Variants in ITPK1 observed in about 807,000 individuals in gnomAD.
ITPK1 encodes the protein inositol-tetrakisphosphate 1-kinase.
Under a neutral mutation model 45.3 loss-of-function variants are expected in ITPK1, and 21 were observed. The observed-to-expected ratio is 0.46, with a 90% confidence interval of 0.33 to 0.67. The LOEUF is 0.67. ITPK1 is among the 30% of genes least tolerant of loss of function. The pLI, the probability that ITPK1 is intolerant of heterozygous loss-of-function variation, is 0.02. For synonymous variants in ITPK1, 258 were observed against 253.6 expected (o/e 1.02, Z -0.16); for missense variants, 474 against 573.5 (o/e 0.83, Z 1.77).
intron 3 of ITPK1, among the ~76,000 whole-genome samples, chr14:93,027,984 G>A (rs1198115290): frequency 6.6e-6 from 1 of 152,222 alleles, no homozygotes; most frequent in East Asian, 1.9e-4. Flanking sequence ...TTGGCTTTCT[G>A]CACTGAGAGG....
chr14:93,100,758 G>A (rs771962693), intron 2 of ITPK1, among the ~76,000 whole-genome samples: 8 of 152,048 alleles, frequency 5.3e-5, no homozygotes, highest in Non-Finnish European at 7.4e-5. Context: ...CCATACAATC[G>A]ACTTACTGCT....
intron 3 of ITPK1, among the ~76,000 whole-genome samples, chr14:93,061,108 G>C (rs1890500341): frequency 6.6e-6 from 1 of 152,186 alleles, no homozygotes; most frequent in Admixed American, 6.5e-5. Context: ...ATGCAAGCTG[G>C]TGTTTGATAC....
chr14:93,067,237 C>A lies in ITPK1; in HGVS notation c.120+9358G>T, dbSNP rs575282791. 5.6e-4 allele frequency among the ~76,000 whole-genome samples: 85 copies of A among 152,264 alleles called. 1 individual carries two copies. In the South Asian group the frequency reaches 0.017, roughly 31 times the overall value. ...TCCACTGAGGCCACGGAATTCTTGACATTTGACAGCCAAGCAAGGGTGGCA... is the reference window on the plus strand; with the variant it reads ...TCCACTGAGGCCACGGAATTCTTGAAATTTGACAGCCAAGCAAGGGTGGCA... On this transcript the variant is annotated intron_variant, in intron 3 of 10. Coordinates refer to ENST00000267615, the MANE Select transcript of ITPK1 (RefSeq NM_014216.6).
intron 3 of ITPK1, chr14:93,072,094 G>A: frequency 7.0e-6 from 1 of 143,286 alleles, no homozygotes. Flanking sequence ...AGCAGTTCAA[G>A]ACCAGCCTGG....
At chr14:92,947,587 C>T (rs1887749002) in intron 9 of ITPK1, among the ~76,000 whole-genome samples, 1 of 152,240 alleles carries the variant, frequency 6.6e-6, no homozygotes, top group South Asian at 2.1e-4. Flanking sequence ...AAGGAAGCAA[C>T]AGGCCTCCAT....
At chr14:92,947,739 G>C (rs1005906018) in intron 9 of ITPK1, among the ~76,000 whole-genome samples, 5 of 152,184 alleles carry the variant, frequency 3.3e-5, no homozygotes, top group African/African-American at 1.2e-4. Flanking sequence ...AAATAGTGAA[G>C]TTTTGGGGGT....
chr14:92,953,492 G>A (rs1373180266), intron 8 of ITPK1, among the ~76,000 whole-genome samples: 3 of 152,248 alleles, frequency 2.0e-5, no homozygotes, highest in African/African-American at 7.2e-5. Context: ...TGGGCTTGCG[G>A]CTGGAACAGC....
chr14:93,064,196 T>C (rs548451036), intron 3 of ITPK1, among the ~76,000 whole-genome samples: 1 of 152,246 alleles, frequency 6.6e-6, no homozygotes, highest in East Asian at 1.9e-4. Flanking sequence ...GGCAGAAGAA[T>C]GGCGTGAACG....
rs35515902 is a variant in ITPK1 at position 92,967,788 on chromosome 14, TG to T, written c.365-4940del. Among the ~76,000 whole-genome samples the T allele has an allele frequency of 2.6e-5, 4 of 152,148 alleles. No individual in the cohort carries two copies. In the East Asian group the frequency reaches 5.8e-4, roughly 22 times the overall value. On this transcript the variant is annotated intron_variant, in intron 5 of 10. Transcript: ENST00000267615. ...AGAACCATAAAAACACTGGGCTAAG[TG>T]GAAGAAGCCAGACACAGAAGACCAC...
intron 3 of ITPK1, among the ~76,000 whole-genome samples, chr14:93,018,555 C>A: frequency 6.6e-6 from 1 of 152,116 alleles, no homozygotes; most frequent in East Asian, 1.9e-4. Flanking sequence ...ATCCTTTAGA[C>A]CTCACAATAA....
chr14:93,001,008 G>T (rs191290872), intron 4 of ITPK1, among the ~76,000 whole-genome samples: 1 of 148,870 alleles, frequency 6.7e-6, no homozygotes, highest in Non-Finnish European at 1.5e-5. Context: ...GGCTGGGCAC[G>T]GTGGCTCACG....
At chr14:93,065,915 C>T (rs2139960858) in intron 3 of ITPK1, among the ~76,000 whole-genome samples, 1 of 152,274 alleles carries the variant, frequency 6.6e-6, no homozygotes, top group Admixed American at 6.5e-5. Context: ...TCAACTGTTC[C>T]CCCAAATGCA....
chr14:92,977,093 C>A (rs1885980647), intron 5 of ITPK1, among the ~76,000 whole-genome samples: 1 of 152,200 alleles, frequency 6.6e-6, no homozygotes, highest in Non-Finnish European at 1.5e-5. Context: ...TAAGAGCAGT[C>A]CTGCTCATAG....
chr14:93,096,778 A>ACCT lies in ITPK1; in HGVS notation c.95+18288_95+18290dup, dbSNP rs1181507272. On this transcript the variant is annotated intron_variant, in intron 2 of 10. Transcript: ENST00000267615. The stretch of plus-strand genomic sequence containing the variant: ...AGAATGTAGGGGCTCCAATGTTCTA[A>ACCT]CCTCCTCTTCCAGCTGAGAAAAATG... Among the ~76,000 whole-genome samples, 6 of 152,116 alleles carry ACCT rather than the reference A, an allele frequency of 3.9e-5. No individual in the cohort carries two copies. The East Asian group carries it at 7.7e-4, about 20-fold the overall frequency.
At chr14:93,003,523 G>A (rs575522875) in intron 4 of ITPK1, among the ~76,000 whole-genome samples, 2 of 152,336 alleles carry the variant, frequency 1.3e-5, no homozygotes, top group East Asian at 3.9e-4. Context: ...GCTGGCATAG[G>A]GTTGGAGTTG....
chr14:93,101,719 G>A lies in ITPK1; in HGVS notation c.95+13350C>T, dbSNP rs149060340. Among the ~76,000 whole-genome samples, 107 of 152,240 alleles carry A rather than the reference G, an allele frequency of 7.0e-4. No homozygotes were observed. The Middle Eastern group carries it at 0.017, about 24-fold the overall frequency. ...CAAAAAATTAGCTGGGCGTGGAGGCGTGCGCTTGTGACTCCAGCTACTCGG... is the reference window on the plus strand; with the variant it reads ...CAAAAAATTAGCTGGGCGTGGAGGCATGCGCTTGTGACTCCAGCTACTCGG... On this transcript the variant is annotated intron_variant, in intron 2 of 10. Transcript: ENST00000267615.
chr14:92,946,330 C>T lies in ITPK1; in HGVS notation c.901+1G>A, dbSNP rs1430722668. On this transcript the variant is annotated splice_donor_variant, in intron 10 of 10. Transcript: ENST00000267615. LOFTEE classifies it high-confidence loss of function. ...GTGGAGGTGGCCTGGCCGCCACTCACCTGGGAAGGCATTGATGTCAATGAC... is the reference window on the plus strand; with the variant it reads ...GTGGAGGTGGCCTGGCCGCCACTCATCTGGGAAGGCATTGATGTCAATGAC... The T allele has an allele frequency of 6.2e-7, 1 of 1,613,068 alleles. No individual in the cohort carries two copies. Among genetic ancestry groups the T allele is most frequent in the Non-Finnish European group, 8.5e-7 (1 of 1,179,968 alleles).
chr14:93,050,224 T>C (rs1319741795), intron 3 of ITPK1, among the ~76,000 whole-genome samples: 1 of 152,022 alleles, frequency 6.6e-6, no homozygotes, highest in Admixed American at 6.6e-5. Context: ...GACACACGGG[T>C]TCTCCTGCTG....
intron 8 of ITPK1, among the ~76,000 whole-genome samples, chr14:92,952,283 CCT>C (rs1018346439): frequency 2.0e-5 from 3 of 152,172 alleles, no homozygotes; most frequent in African/African-American, 7.2e-5. Context: ...TCTGGTTTTC[CCT>C]GAGGCCCTGT....
Sources: gnomAD v4.1 joint callset for allele counts (sites outside exome capture counted in the v4.1 genomes callset) on GRCh38, gnomAD v4.1.1 for gene constraint, MANE v1.5 for transcripts, NCBI Gene and HGNC (gene_info 2026-07-23, HGNC 2026-07-21) for gene names.